Variants in AGAP1 observed in about 807,000 individuals in gnomAD.
The protein encoded by AGAP1 is arf-GAP with GTPase, ANK repeat and PH domain-containing protein 1.
AGAP1 carries 29 observed loss-of-function variants against 105.3 expected under a neutral mutation model. That is an observed-to-expected ratio of 0.28 (90% CI 0.21 to 0.38). AGAP1 has a LOEUF of 0.38. AGAP1 is among the 10% of genes least tolerant of loss of function. The pLI is 1.00. For missense variants in AGAP1, 998 were observed against 1,165.1 expected (o/e 0.86, Z 2.09); for synonymous variants, 509 against 485.9 (o/e 1.05, Z -0.63).
intron 12 of AGAP1, among the ~76,000 whole-genome samples, chr2:235,933,693 C>T (rs200780047): frequency 8.5e-5 from 13 of 152,082 alleles, no homozygotes; most frequent in South Asian, 2.1e-4. Flanking sequence ...CCACCGTGCC[C>T]GGCTAATTTT....
intron 9 of AGAP1, among the ~76,000 whole-genome samples, chr2:235,835,219 T>TG (rs1363452350): frequency 2.0e-5 from 3 of 152,222 alleles, no homozygotes; most frequent in African/African-American, 7.2e-5. Flanking sequence ...CTCCTTCAGT[T>TG]GCAATCTTCA....
chr2:235,742,336 C>T (rs1222732167), intron 4 of AGAP1, among the ~76,000 whole-genome samples: 4 of 152,072 alleles, frequency 2.6e-5, no homozygotes, highest in Admixed American at 6.6e-5. Flanking sequence ...TTAAGATGTA[C>T]CAGTATTCGA....
intron 3 of AGAP1, among the ~76,000 whole-genome samples, chr2:235,735,821 T>C (rs1043780222): frequency 1.3e-5 from 2 of 152,108 alleles, no homozygotes; most frequent in African/African-American, 4.8e-5. Context: ...AACACTTGCC[T>C]TGGGGTGAAC....
intron 11 of AGAP1, among the ~76,000 whole-genome samples, chr2:235,918,912 C>A (rs917577889): frequency 3.3e-5 from 5 of 152,066 alleles, no homozygotes; most frequent in Non-Finnish European, 7.4e-5. Context: ...ACTAAAGCAA[C>A]TTGATTCCTG....
intron 5 of AGAP1, among the ~76,000 whole-genome samples, chr2:235,745,578 A>G (rs1405894658): frequency 6.6e-6 from 1 of 152,264 alleles, no homozygotes; most frequent in African/African-American, 2.4e-5. Context: ...TATGGGTAAC[A>G]TACAAATAAT....
chr2:236,023,327 G>A (rs2056945388), intron 13 of AGAP1, among the ~76,000 whole-genome samples: 1 of 152,162 alleles, frequency 6.6e-6, no homozygotes, highest in Non-Finnish European at 1.5e-5. Context: ...ATAAAGCTGA[G>A]ATCAGAAAGA....
chr2:235,716,916 G>A lies in AGAP1; in HGVS notation c.223-641G>A, dbSNP rs1217079494. ...GGTCGCCTTCTAATCCAGCACAAAC[G>A]AGCACCTTTGCCGTCTCTCCCAGCA... On this transcript the variant is annotated intron_variant, in intron 2 of 17. Transcript: ENST00000304032. This position sits in a 1 kb window ranked among gnomAD's most constrained non-coding sequence, Gnocchi z 4.0. 5.3e-5 allele frequency among the ~76,000 whole-genome samples: 8 copies of A among 152,038 alleles called. No individual in the cohort carries two copies. In the East Asian group the frequency reaches 1.4e-3, roughly 26 times the overall value.
intron 1 of AGAP1, among the ~76,000 whole-genome samples, chr2:235,673,589 T>TA (rs1276453577): frequency 1.3e-5 from 2 of 152,208 alleles, no homozygotes; most frequent in Non-Finnish European, 2.9e-5. Flanking sequence ...TCGTGCCAGT[T>TA]AGAGTCTGGT....
intron 1 of AGAP1, among the ~76,000 whole-genome samples, chr2:235,605,756 A>G (rs1211472003): frequency 6.6e-6 from 1 of 152,212 alleles, no homozygotes; most frequent in East Asian, 1.9e-4. Context: ...TTTGTTGTCT[A>G]ACATTTGTTC....
In AGAP1 at chr2:235,736,842, A is replaced by AAAAAC. The variant is rs910222892; in HGVS notation, c.311-4109_311-4105dup. 1.3e-5 allele frequency among the ~76,000 whole-genome samples: 2 copies of AAAAAC among 152,182 alleles called. No individual in the cohort carries two copies. Among genetic ancestry groups the AAAAAC allele is most frequent in the Non-Finnish European group, 2.9e-5 (2 of 68,034 alleles). On this transcript the variant is annotated intron_variant, in intron 3 of 17. Coordinates refer to ENST00000304032, the MANE Select transcript of AGAP1 (RefSeq NM_001037131.3). This position sits in a 1 kb window ranked among gnomAD's most constrained non-coding sequence, Gnocchi z 5.5. The stretch of plus-strand genomic sequence containing the variant: ...GGCAACAGAGTGAGACTGTGTCTCA[A>AAAAAC]AAAACAAAACAAAACACAACACAAC...
In AGAP1 at chr2:235,557,940, A is replaced by G. The variant is rs1053974021; in HGVS notation, c.163+63091A>G. 3.3e-5 allele frequency among the ~76,000 whole-genome samples: 5 copies of G among 152,238 alleles called. No individual in the cohort carries two copies. The highest frequency in any genetic ancestry group is 1.2e-4 in the African/African-American group (5 of 41,466). On this transcript the variant is annotated intron_variant, in intron 1 of 17. Coordinates refer to ENST00000304032, the MANE Select transcript of AGAP1 (RefSeq NM_001037131.3). The surrounding 1 kb of genome is among the most constrained non-coding windows in gnomAD (Gnocchi z 4.7). ...TGAGTGAGGTTTTGTGGTCCTGGAC[A>G]GGTGAGCTCCCCTCCAGAGGCTGCC...
At chr2:235,547,616 C>T (rs1943668718) in intron 1 of AGAP1, among the ~76,000 whole-genome samples, 1 of 152,172 alleles carries the variant, frequency 6.6e-6, no homozygotes, top group Non-Finnish European at 1.5e-5. Context: ...GCCTCGGCCT[C>T]CCAAAATACT....
chr2:235,538,026 T>C (rs2149088714), intron 1 of AGAP1, among the ~76,000 whole-genome samples: 1 of 152,338 alleles, frequency 6.6e-6, no homozygotes, highest in East Asian at 1.9e-4. Flanking sequence ...CTAATATGCG[T>C]GGTAGAGCCA....
chr2:235,684,281 T>C (rs940659395), intron 1 of AGAP1, among the ~76,000 whole-genome samples: 1 of 152,084 alleles, frequency 6.6e-6, no homozygotes, highest in Non-Finnish European at 1.5e-5. Flanking sequence ...CCTGACCTCA[T>C]GATCCACCCG....
Position 235,891,319 on chromosome 2 carries a change from CTT to C in AGAP1, c.1155+7872_1155+7873del, listed in dbSNP as rs1189424474. 6.6e-6 allele frequency among the ~76,000 whole-genome samples: 1 copy of C among 152,156 alleles called. No individual in the cohort carries two copies. Among genetic ancestry groups the C allele is most frequent in the Non-Finnish European group, 1.5e-5 (1 of 68,028 alleles). On this transcript the variant is annotated intron_variant, in intron 10 of 17. Coordinates refer to ENST00000304032, the MANE Select transcript of AGAP1 (RefSeq NM_001037131.3). The surrounding 1 kb of genome is among the most constrained non-coding windows in gnomAD (Gnocchi z 4.2). ...TGCTCTGCGGTCTACATTTTTGTGT[CTT>C]TGAAAAATTGTATGTCTCCAAGACC...
chr2:235,939,995 C>T (rs937483191), intron 12 of AGAP1, among the ~76,000 whole-genome samples: 12 of 152,142 alleles, frequency 7.9e-5, no homozygotes, highest in Admixed American at 5.9e-4. Flanking sequence ...GCTACCTGCT[C>T]GGAGGGGAGT....
intron 16 of AGAP1, among the ~76,000 whole-genome samples, chr2:236,112,474 A>C (rs942323763): frequency 1.3e-5 from 2 of 150,912 alleles, no homozygotes; most frequent in Middle Eastern, 3.6e-3. Flanking sequence ...TGACTTGCAC[A>C]TTTTCTTCTG....
rs1306208468 is a variant in AGAP1 at position 235,777,772 on chromosome 2, C to T, written c.674-19987C>T. ...CACGCTCAAGTGTTTGAGACGTTAA[C>T]GAATGATGGCTGTGATGTAATTGAC... On this transcript the variant is annotated intron_variant, in intron 6 of 17. Coordinates refer to ENST00000304032, the MANE Select transcript of AGAP1 (RefSeq NM_001037131.3). This position sits in a 1 kb window ranked among gnomAD's most constrained non-coding sequence, Gnocchi z 5.1. 2.0e-5 allele frequency among the ~76,000 whole-genome samples: 3 copies of T among 152,180 alleles called. No individual in the cohort carries two copies. The highest frequency in any genetic ancestry group is 2.1e-4 in the South Asian group (1 of 4,836).
intron 13 of AGAP1, among the ~76,000 whole-genome samples, chr2:236,030,249 A>T (rs544473188): frequency 7.9e-5 from 12 of 152,104 alleles, no homozygotes; most frequent in Non-Finnish European, 1.8e-4. Context: ...CTGACACCTT[A>T]GGTGACCCAC....
Sources: allele counts gnomAD v4.1 joint callset (sites outside exome capture counted in the v4.1 genomes callset), GRCh38; gene constraint gnomAD v4.1.1; non-coding constraint Gnocchi (gnomAD v3.1); transcripts MANE v1.5; gene names NCBI Gene and HGNC (gene_info 2026-07-23, HGNC 2026-07-21).